Variants in STAT3 observed in about 807,000 individuals in gnomAD.
STAT3 encodes DNA-binding protein APRF.
STAT3 carries 7 observed loss-of-function variants against 114.3 expected under a neutral mutation model. The observed-to-expected ratio is 0.06, with a 90% confidence interval of 0.03 to 0.11. STAT3 has a LOEUF of 0.11. Ranked by LOEUF, STAT3 falls within the 10% of genes least tolerant of loss-of-function variation. The pLI, the probability that STAT3 is intolerant of heterozygous loss-of-function variation, is 1.00. For synonymous variants in STAT3, 331 were observed against 354.5 expected (o/e 0.93, Z 0.74); for missense variants, 364 against 960.9 (o/e 0.38, Z 8.21).
At position 42,322,301 on chromosome 17, in the gene STAT3, A is replaced by T. The variant is rs139701269; in HGVS notation, c.2082T>A (p.His694Gln). Residue 694 changes from histidine (H) to glutamine (Q), a missense_variant, in exon 21 of 24, where the codon CAT becomes CAA. Coordinates refer to ENST00000264657, the MANE Select transcript of STAT3 (RefSeq NM_139276.3). ...AACAACTACCTGGGTCAGCTTCAGG[A>T]TGCTCCTGGCTCTCTGGCCGACAAT... ...GKYCRPESQE[H>Q]PEADPGSAAP... The T allele has an allele frequency of 1.7e-4, 282 of 1,614,102 alleles. No individual in the cohort carries two copies. The highest frequency in any genetic ancestry group is 2.3e-4 in the Non-Finnish European group (274 of 1,180,050).
At chr17:42,359,390 G>C (rs1423164813) in intron 1 of STAT3, among the ~76,000 whole-genome samples, 1 of 152,156 alleles carries the variant, frequency 6.6e-6, no homozygotes, top group African/African-American at 2.4e-5. Context: ...TATCGGGAGG[G>C]AAGGAGTCAG....
chr17:42,346,997 T>C (rs2082727142), intron 2 of STAT3, among the ~76,000 whole-genome samples: 1 of 151,984 alleles, frequency 6.6e-6, no homozygotes, highest in African/African-American at 2.4e-5. Context: ...CAGACCAACC[T>C]GGCCAACATG....
chr17:42,333,921 A>G lies in STAT3; in HGVS notation c.926T>C (p.Ile309Thr), dbSNP rs1274332868. The G allele has an allele frequency of 6.2e-7, 1 of 1,614,050 alleles. No homozygotes were observed. Among genetic ancestry groups the G allele is most frequent in the Non-Finnish European group, 8.5e-7 (1 of 1,180,052 alleles). Reference protein sequence around the residue: ...VQHRPMLEERIVELFRNLMKS... With the variant: ...VQHRPMLEERTVELFRNLMKS... The stretch of plus-strand genomic sequence containing the variant: ...CATTAAGTTTCTAAACAGCTCCACG[A>G]TTCTCTCCTCCAGCATCGGCCGGTG... Residue 309 changes from isoleucine to threonine, a missense_variant, in exon 9 of 24, where the codon ATC becomes ACC. This residue lies in a region of STAT3 where 294 missense variants were observed against 745.1 expected (regional missense o/e 0.39). Coordinates refer to ENST00000264657, the MANE Select transcript of STAT3 (RefSeq NM_139276.3). The surrounding 1 kb of genome is among the most constrained non-coding windows in gnomAD (Gnocchi z 5.2).
intron 11 of STAT3, among the ~76,000 whole-genome samples, chr17:42,331,120 CACA>C (rs2081994331): frequency 6.6e-6 from 1 of 152,160 alleles, no homozygotes. Context: ...ACAACATTTG[CACA>C]ACAAAATTGC....
intron 5 of STAT3, 102 bp from the exon 6 acceptor site, chr17:42,338,914 C>CA: frequency 8.3e-6 from 9 of 1,085,150 alleles, no homozygotes; most frequent in Non-Finnish European, 1.2e-5. Flanking sequence ...GCCAAAACCT[C>CA]AAAAAAGATA....
chr17:42,376,859 T>C (rs985594336), intron 1 of STAT3, among the ~76,000 whole-genome samples: 1 of 150,476 alleles, frequency 6.6e-6, no homozygotes, highest in Non-Finnish European at 1.5e-5. Context: ...AAAAAAAAAT[T>C]GGCGGTTTAT....
chr17:42,343,455 C>CTTT (rs34846688), intron 4 of STAT3, among the ~76,000 whole-genome samples: 26 of 99,124 alleles, frequency 2.6e-4, no homozygotes, highest in East Asian at 1.0e-3. Context: ...TCAGATCTTT[C>CTTT]TTTTTTTTTT....
chr17:42,384,638 T>A lies in STAT3; in HGVS notation c.-24+3641A>T, dbSNP rs2084996756. On this transcript the variant is annotated intron_variant, in intron 1 of 23. Transcript: ENST00000264657. ...GGCGGGATCACGGCTCACTGCAGCC[T>A]TAACCCCCGGGGCTTGGGTGATCCT... Among the ~76,000 whole-genome samples the A allele has an allele frequency of 2.0e-5, 3 of 152,042 alleles. No homozygotes were observed. The South Asian group carries it at 6.2e-4, about 32-fold the overall frequency.
chr17:42,342,759 G>C (rs928009288), intron 4 of STAT3, among the ~76,000 whole-genome samples: 1 of 152,052 alleles, frequency 6.6e-6, no homozygotes, highest in Non-Finnish European at 1.5e-5. Flanking sequence ...GCCCCTTGTG[G>C]TAAACTGCTC....
intron 1 of STAT3, among the ~76,000 whole-genome samples, chr17:42,366,761 C>G (rs1286762755): frequency 6.6e-6 from 1 of 151,832 alleles, no homozygotes; most frequent in East Asian, 1.9e-4. Flanking sequence ...GCATCTCTTA[C>G]CTAGATAGCT....
chr17:42,329,479 G>C (rs754705368), intron 13 of STAT3, 22 bp from the exon 14 acceptor site: 1 of 1,614,194 alleles, frequency 6.2e-7, no homozygotes, highest in Non-Finnish European at 8.5e-7. Flanking sequence ...GAAAAAGGCA[G>C]GTGTCCTGTG....
intron 1 of STAT3, among the ~76,000 whole-genome samples, chr17:42,386,126 C>A (rs1487298965): frequency 6.6e-6 from 1 of 151,930 alleles, no homozygotes; most frequent in East Asian, 1.9e-4. Flanking sequence ...ACTAAAAATA[C>A]AAAAATTAGC....
intron 21 of STAT3, among the ~76,000 whole-genome samples, chr17:42,319,796 C>T (rs1271007659): frequency 6.6e-6 from 1 of 152,048 alleles, no homozygotes; most frequent in African/African-American, 2.4e-5. Context: ...TGCTCATCGT[C>T]CTGAAGGCAC....
chr17:42,343,835 T>C (rs1432049419), intron 4 of STAT3, among the ~76,000 whole-genome samples: 1 of 152,170 alleles, frequency 6.6e-6, no homozygotes. Flanking sequence ...AATATTTATC[T>C]TGTATACAAT....
intron 4 of STAT3, among the ~76,000 whole-genome samples, chr17:42,340,400 C>T (rs1157189496): frequency 6.6e-6 from 1 of 150,780 alleles, no homozygotes; most frequent in Non-Finnish European, 1.5e-5. Flanking sequence ...GGCATGGTAG[C>T]TCCCACCTAT....
chr17:42,337,861 C>T lies in STAT3; in HGVS notation c.551-4G>A, dbSNP rs80162032. The T allele has an allele frequency of 3.1e-4, 497 of 1,613,632 alleles. 1 individual carries two copies. In the African/African-American group the frequency reaches 3.4e-3, roughly 11 times the overall value. ...TTTCCATTCAGATCTTGCATGTCTG[C>T]GAAGGAAGAAAAAACTCCTTGACCT... On this transcript the variant is annotated splice_polypyrimidine_tract_variant and splice_region_variant and intron_variant, in intron 6 of 23. Transcript: ENST00000264657. This position sits in a 1 kb window ranked among gnomAD's most constrained non-coding sequence, Gnocchi z 4.0.
chr17:42,356,262 T>C (rs1341109879), intron 1 of STAT3, among the ~76,000 whole-genome samples: 3 of 152,010 alleles, frequency 2.0e-5, no homozygotes, highest in Non-Finnish European at 4.4e-5. Flanking sequence ...AAATAAAAGA[T>C]AAAAACATCC....
At chr17:42,351,129 C>CAA (rs139529559) in intron 1 of STAT3, among the ~76,000 whole-genome samples, 36 of 77,174 alleles carry the variant, frequency 4.7e-4, no homozygotes, top group Non-Finnish European at 7.8e-4. Context: ...GACTCCATCT[C>CAA]AAAAAAAAAA....
chr17:42,345,740 T>A (rs2082668626), intron 3 of STAT3, 83 bp from the exon 4 acceptor site: 1 of 1,230,604 alleles, frequency 8.1e-7, no homozygotes, highest in South Asian at 1.3e-5. Context: ...AAAACTAATG[T>A]ATTCATCAAG....
Sources: gnomAD v4.1 joint callset for allele counts (sites outside exome capture counted in the v4.1 genomes callset) on GRCh38, gnomAD v4.1.1 for gene constraint, gnomAD v4.1.1 regional missense constraint, Gnocchi (gnomAD v3.1) non-coding constraint, MANE v1.5 for transcripts, NCBI Gene and HGNC (gene_info 2026-07-23, HGNC 2026-07-21) for gene names.